The following ATP2C2 variants were observed in gnomAD, a reference collection of about 807,000 sequenced individuals.
ATP2C2 encodes calcium-transporting ATPase type 2C member 2.
Under a neutral mutation model 110.8 loss-of-function variants are expected in ATP2C2, and 171 were observed. The observed-to-expected ratio is 1.54, with a 90% CI of 1.36 to 1.75. The LOEUF is 1.75. ATP2C2 is among the 40% of genes most tolerant of loss of function. ATP2C2 has a pLI of 0.00. For synonymous variants in ATP2C2, 804 were observed against 508.4 expected (o/e 1.58, Z -7.82); for missense variants, 1,963 against 1,235.0 (o/e 1.59, Z -8.84).
At chr16:84,413,051 G>T (rs12932737) in intron 6 of ATP2C2, among the ~76,000 whole-genome samples, 62,726 of 150,448 alleles carry the variant, frequency 0.42, 14,184 homozygotes, top group Non-Finnish European at 0.52. Context: ...TGAGCCAAGA[G>T]TGCTCCATTG....
intron 6 of ATP2C2, among the ~76,000 whole-genome samples, chr16:84,414,629 C>T (rs1264944608): frequency 1.3e-5 from 2 of 152,132 alleles, no homozygotes; most frequent in South Asian, 4.1e-4. Context: ...CCCCAGAGCA[C>T]GTGGCTGTGG....
intron 1 of ATP2C2, among the ~76,000 whole-genome samples, chr16:84,397,670 A>AAAAAAAAAAAAAAAAAAAAAAAC (rs1555553736): frequency 9.6e-5 from 14 of 145,888 alleles, no homozygotes; most frequent in South Asian, 2.2e-4. Context: ...AAAAAAAAAA[A>AAAAAAAAAAAAAAAAAAAAAAAC]AAACTTGCTT....
intron 6 of ATP2C2, among the ~76,000 whole-genome samples, chr16:84,412,805 C>A (rs975238176): frequency 1.3e-5 from 2 of 151,946 alleles, no homozygotes; most frequent in African/African-American, 4.8e-5. Context: ...TAGAAGGTAT[C>A]CTGTGATCAG....
At position 84,463,850 on chromosome 16, in the gene ATP2C2, C is replaced by T; in HGVS notation, c.*118C>T. 1.1e-6 allele frequency: 1 copy of T among 916,614 alleles called. No individual in the cohort carries two copies. The highest frequency in any genetic ancestry group is 1.7e-6 in the Non-Finnish European group (1 of 586,980). The allele number at this position is 916,614 out of a possible 1,614,324, so 56.8% of individuals were successfully genotyped here. A position where few individuals can be genotyped will look rare whatever the true frequency, so the allele number is the denominator to read the frequency against. On this transcript the variant is annotated 3_prime_UTR_variant, in exon 27 of 27. Transcript: ENST00000262429. ...AGGCCGCAGCCTTCCATCACCGGAT[C>T]AGTTTTTCCTCTTAGGAAAGCTGCA... is the stretch of plus-strand genomic sequence containing the variant.
At chr16:84,441,351 G>A (rs968709833) in intron 14 of ATP2C2, among the ~76,000 whole-genome samples, 1 of 152,196 alleles carries the variant, frequency 6.6e-6, no homozygotes, top group African/African-American at 2.4e-5. Flanking sequence ...GCTCTAAGGA[G>A]ACTCCTGCCC....
At chr16:84,386,658 G>A (rs945476080) in intron 1 of ATP2C2, among the ~76,000 whole-genome samples, 12 of 152,158 alleles carry the variant, frequency 7.9e-5, no homozygotes, top group African/African-American at 2.9e-4. Flanking sequence ...TACCTAGAAA[G>A]GACTTCAGGG....
chr16:84,440,812 G>A (rs1050161401), intron 13 of ATP2C2, 45 bp from the exon 14 acceptor site: 2 of 1,501,166 alleles, frequency 1.3e-6, no homozygotes, highest in Non-Finnish European at 1.8e-6. Flanking sequence ...GGGGGAGCAT[G>A]TTTTTGACTC....
chr16:84,438,421 A>G (rs1908936338), intron 11 of ATP2C2, among the ~76,000 whole-genome samples: 1 of 152,194 alleles, frequency 6.6e-6, no homozygotes, highest in Non-Finnish European at 1.5e-5. Flanking sequence ...AGGGATAGAA[A>G]GAGCCCCCTC....
At chr16:84,398,656 G>C in intron 2 of ATP2C2, 47 bp downstream of exon 2, 1 of 1,473,628 alleles carries the variant, frequency 6.8e-7, no homozygotes, top group East Asian at 2.3e-5. Flanking sequence ...AAGGTTTTAT[G>C]TTTAAAAGAA....
chr16:84,463,565 A>C, intron 26 of ATP2C2, 49 bp from the exon 27 acceptor site: 1 of 1,533,910 alleles, frequency 6.5e-7, no homozygotes, highest in Non-Finnish European at 9.0e-7. Flanking sequence ...CTGCCGGCGC[A>C]ACAGAGCTGC....
intron 11 of ATP2C2, among the ~76,000 whole-genome samples, chr16:84,434,233 T>C (rs1173594439): frequency 1.3e-5 from 2 of 151,618 alleles, no homozygotes; most frequent in Non-Finnish European, 2.9e-5. Context: ...CCGGCCCACA[T>C]TGTGAAACCC....
chr16:84,409,976 T>TG (rs1314865405), intron 4 of ATP2C2, among the ~76,000 whole-genome samples: 4 of 151,978 alleles, frequency 2.6e-5, no homozygotes, highest in East Asian at 3.9e-4. Context: ...TTGGGAGGCC[T>TG]GGGGGGTGGA....
At chr16:84,454,440 CA>C (rs1910599773) in intron 20 of ATP2C2, among the ~76,000 whole-genome samples, 1 of 152,184 alleles carries the variant, frequency 6.6e-6, no homozygotes, top group Non-Finnish European at 1.5e-5. Context: ...AGTTACTCCT[CA>C]AAGAAGGTAG....
chr16:84,395,440 C>G lies in ATP2C2; in HGVS notation c.100-3059C>G, dbSNP rs539870591. Among the ~76,000 whole-genome samples the G allele has an allele frequency of 4.0e-4, 60 of 150,834 alleles. 1 individual carries two copies. The highest frequency in any genetic ancestry group is 1.4e-3 in the African/African-American group (57 of 40,706). On this transcript the variant is annotated intron_variant, in intron 1 of 26. Transcript: ENST00000262429. ...CACATGCTAGTCCTGCCCTCAAAGG[C>G]AGGGGAATTGGTGCCTTTGATCTTT... is the stretch of plus-strand genomic sequence containing the variant.
At position 84,460,812 on chromosome 16, in the gene ATP2C2, G is replaced by T. The variant is rs114538554; in HGVS notation, c.2481+11G>T. 10 of 1,606,514 alleles carry T rather than the reference G, an allele frequency of 6.2e-6. No individual in the cohort carries two copies. In the East Asian group the frequency reaches 1.1e-4, roughly 18 times the overall value. On this transcript the variant is annotated intron_variant, in intron 24 of 26. Coordinates refer to ENST00000262429, the MANE Select transcript of ATP2C2 (RefSeq NM_014861.4). The stretch of plus-strand genomic sequence containing the variant: ...ATCTTCTGGAAGGAGGTGAGCGAGG[G>T]TCACCCCGGCCTGTTCTCCAAGCCC...
chr16:84,427,716 G>A (rs1907922875), intron 11 of ATP2C2, among the ~76,000 whole-genome samples: 1 of 151,984 alleles, frequency 6.6e-6, no homozygotes, highest in African/African-American at 2.4e-5. Context: ...GAGACTGTCT[G>A]AAAAAAGAAA....
At chr16:84,379,581 A>T (rs1473445714) in intron 1 of ATP2C2, among the ~76,000 whole-genome samples, 1 of 152,228 alleles carries the variant, frequency 6.6e-6, no homozygotes, top group Non-Finnish European at 1.5e-5. Context: ...GAACTACAGA[A>T]TCAGAAACTC....
rs777991548 is a variant in ATP2C2 at position 84,395,335 on chromosome 16, A to C, written c.100-3164A>C. ...TGTCACCCCATGACTTCCTCAATCC[A>C]CCTAGCTCATTCCCCAGGGACATGT... is the stretch of plus-strand genomic sequence containing the variant. On this transcript the variant is annotated intron_variant, in intron 1 of 26. Transcript: ENST00000262429. Among the ~76,000 whole-genome samples the C allele has an allele frequency of 5.3e-5, 8 of 151,610 alleles. 1 individual carries two copies. Among genetic ancestry groups the C allele is most frequent in the Non-Finnish European group, 7.4e-5 (5 of 67,922 alleles).
intron 1 of ATP2C2, among the ~76,000 whole-genome samples, chr16:84,396,888 C>T (rs998465665): frequency 1.3e-5 from 2 of 151,812 alleles, no homozygotes; most frequent in Non-Finnish European, 2.9e-5. Context: ...GAGAAGCAGC[C>T]GCATGAAACC....
Sources: gnomAD v4.1 joint callset for allele counts (sites outside exome capture counted in the v4.1 genomes callset) on GRCh38, gnomAD v4.1.1 for gene constraint, MANE v1.5 for transcripts, NCBI Gene and HGNC (gene_info 2026-07-23, HGNC 2026-07-21) for gene names.